Variants in RBFOX1 observed in about 807,000 individuals in gnomAD.
RBFOX1 encodes the protein RNA binding protein fox-1 homolog 1.
In RBFOX1, 8 loss-of-function variants were observed where a neutral mutation model predicts 57.7. The observed-to-expected ratio is 0.14, with a 90% CI of 0.08 to 0.25. The LOEUF is 0.25. Ranked by LOEUF, RBFOX1 falls within the 10% of genes least tolerant of loss-of-function variation. The probability of loss-of-function intolerance (pLI) is 1.00; values close to 1 mark genes in which losing one functional copy is unlikely to be tolerated. For synonymous variants in RBFOX1, 326 were observed against 222.4 expected, an observed-to-expected ratio of 1.47 and a Z score of -4.15; for missense variants, 611 against 548.5, an observed-to-expected ratio of 1.11 and a Z score of -1.14.
chr16:7,116,328 T>C (rs753953670), intron 4 of RBFOX1, among the ~76,000 whole-genome samples: 5 of 152,270 alleles, frequency 3.3e-5, no homozygotes, highest in South Asian at 2.1e-4. Context: ...ATTGTCCTCA[T>C]GAGCAGTTCA....
At chr16:6,963,661 A>G (rs1156591442) in intron 3 of RBFOX1, among the ~76,000 whole-genome samples, 1 of 152,140 alleles carries the variant, frequency 6.6e-6, no homozygotes, top group Non-Finnish European at 1.5e-5. Flanking sequence ...GGAGGGAGGG[A>G]TGAAGAGGCA....
intron 1 of RBFOX1, among the ~76,000 whole-genome samples, chr16:6,026,146 C>G (rs997077117): frequency 1.3e-5 from 2 of 152,152 alleles, no homozygotes; most frequent in African/African-American, 4.8e-5. Flanking sequence ...ACAGCCATCC[C>G]AGGGGCATCT....
At chr16:6,313,671 T>G (rs1045023402) in intron 1 of RBFOX1, among the ~76,000 whole-genome samples, 2 of 152,188 alleles carry the variant, frequency 1.3e-5, no homozygotes, top group Non-Finnish European at 2.9e-5. Context: ...TCCAATGTCC[T>G]CCGAGTTTCC....
chr16:6,464,050 A>G (rs879179458), intron 2 of RBFOX1, among the ~76,000 whole-genome samples: 1 of 152,216 alleles, frequency 6.6e-6, no homozygotes. Flanking sequence ...ATGTGAATCA[A>G]ATTTTCATGT....
At chr16:7,437,928 G>A (rs1162709794) in intron 4 of RBFOX1, among the ~76,000 whole-genome samples, 3 of 150,816 alleles carry the variant, frequency 2.0e-5, no homozygotes, top group Admixed American at 1.3e-4. Flanking sequence ...AAAGCACACC[G>A]CGATCATCAA....
At chr16:7,348,970 G>C (rs888825612) in intron 4 of RBFOX1, among the ~76,000 whole-genome samples, 5 of 152,082 alleles carry the variant, frequency 3.3e-5, no homozygotes, top group African/African-American at 1.2e-4. Context: ...GAGAGAGGCA[G>C]AGATTGATCG....
intron 3 of RBFOX1, chr16:6,773,823 TGG>T: frequency 3.3e-6 from 1 of 307,130 alleles, no homozygotes; most frequent in Non-Finnish European, 4.7e-6. Context: ...ATTTGTGTTG[TGG>T]GGGCATGGGG....
intron 3 of RBFOX1, among the ~76,000 whole-genome samples, chr16:6,730,126 A>G (rs2068168616): frequency 6.6e-6 from 1 of 152,226 alleles, no homozygotes; most frequent in South Asian, 2.1e-4. Context: ...GCTTCCTTTG[A>G]CTTAAGTATT....
At chr16:7,637,709 C>T (rs1223816750) in intron 11 of RBFOX1, among the ~76,000 whole-genome samples, 1 of 152,260 alleles carries the variant, frequency 6.6e-6, no homozygotes, top group Middle Eastern at 3.4e-3. Context: ...CCCTCACTTG[C>T]CAGTGTCTGA....
At chr16:6,220,112 T>G (rs1160096893) in intron 1 of RBFOX1, among the ~76,000 whole-genome samples, 1 of 152,106 alleles carries the variant, frequency 6.6e-6, no homozygotes, top group Non-Finnish European at 1.5e-5. Context: ...ATAAGGGTAT[T>G]TATCATTTAT....
chr16:6,854,550 C>T (rs1389354882), intron 3 of RBFOX1, among the ~76,000 whole-genome samples: 1 of 150,042 alleles, frequency 6.7e-6, no homozygotes, highest in Admixed American at 6.7e-5. Flanking sequence ...ATCTTCTGAA[C>T]CTCACGCATT....
chr16:7,297,684 A>G (rs2095926968), intron 4 of RBFOX1, among the ~76,000 whole-genome samples: 1 of 152,192 alleles, frequency 6.6e-6, no homozygotes, highest in South Asian at 2.1e-4. Flanking sequence ...CTTTATAATA[A>G]CAACAGTTGT....
chr16:5,513,780 G>GT (rs891163000), intron 2 of RBFOX1, among the ~76,000 whole-genome samples: 5 of 151,984 alleles, frequency 3.3e-5, no homozygotes, highest in South Asian at 4.2e-4. Flanking sequence ...CTGGGCCCTA[G>GT]TTTTTTTTGA....
chr16:5,377,620 G>A (rs575664217), intron 1 of RBFOX1, among the ~76,000 whole-genome samples: 5 of 150,998 alleles, frequency 3.3e-5, no homozygotes, highest in Non-Finnish European at 7.4e-5. Flanking sequence ...GAGAGACAGA[G>A]AGAGAGAGAA....
intron 1 of RBFOX1, among the ~76,000 whole-genome samples, chr16:6,265,653 AG>A (rs1160579832): frequency 6.6e-6 from 1 of 152,220 alleles, no homozygotes; most frequent in Non-Finnish European, 1.5e-5. Context: ...CTTCTTGTGC[AG>A]GATATGTGCG....
At chr16:5,739,498 A>G (rs1307414739) in intron 3 of RBFOX1, among the ~76,000 whole-genome samples, 1 of 152,238 alleles carries the variant, frequency 6.6e-6, no homozygotes, top group East Asian at 1.9e-4. Context: ...AGAAAGCATA[A>G]GAGTACTTGT....
chr16:5,878,777 T>G (rs2057687206), intron 4 of RBFOX1, among the ~76,000 whole-genome samples: 1 of 152,206 alleles, frequency 6.6e-6, no homozygotes, highest in South Asian at 2.1e-4. Context: ...GTGTGGTGTT[T>G]AGATCGTTTC....
intron 4 of RBFOX1, among the ~76,000 whole-genome samples, chr16:7,378,885 C>T (rs1296549551): frequency 6.6e-6 from 1 of 152,120 alleles, no homozygotes; most frequent in Non-Finnish European, 1.5e-5. Flanking sequence ...GTGGCAATAA[C>T]GAAGGACTTC....
At chr16:7,209,830 C>T in intron 4 of RBFOX1, among the ~76,000 whole-genome samples, 1 of 152,186 alleles carries the variant, frequency 6.6e-6, no homozygotes, top group East Asian at 1.9e-4. Flanking sequence ...ATGAATGAGA[C>T]AAGAGTCTCT....
Sources: gnomAD v4.1 joint callset for allele counts (sites outside exome capture counted in the v4.1 genomes callset) on GRCh38, gnomAD v4.1.1 for gene constraint, MANE v1.5 for transcripts, NCBI Gene and HGNC (gene_info 2026-07-23, HGNC 2026-07-21) for gene names.